PEBP4: variants seen among roughly 807,000 people sequenced by gnomAD.
The protein encoded by PEBP4 is phosphatidylethanolamine binding protein 4.
A neutral mutation model predicts 23.9 loss-of-function variants in PEBP4; 22 were observed. That is an observed-to-expected ratio of 0.92 (90% CI 0.66 to 1.31). The LOEUF is 1.31. PEBP4 is among the 40% of genes most tolerant of loss of function. PEBP4 has a pLI of 0.00. For synonymous variants in PEBP4, 112 were observed against 99.3 expected, an observed-to-expected ratio of 1.13 and a Z score of -0.76; for missense variants, 324 against 281.7, an observed-to-expected ratio of 1.15 and a Z score of -1.07.
At chr8:22,838,877 G>A (rs1807264823) in intron 3 of PEBP4, among the ~76,000 whole-genome samples, 1 of 152,252 alleles carries the variant, frequency 6.6e-6, no homozygotes, top group South Asian at 2.1e-4. Flanking sequence ...GGAACAGAAC[G>A]GGTAGTCATG....
At position 22,865,536 on chromosome 8, in the gene PEBP4, G is replaced by A. The variant is rs558999689; in HGVS notation, c.259-47801C>T. ...CTCGGGGAAGAGCTAAAAAAGGCAA[G>A]GCGCTGCTGCCGGTGCCGGTGCCGC... is the stretch of plus-strand genomic sequence containing the variant. On this transcript the variant is annotated intron_variant, in intron 3 of 6. Coordinates refer to ENST00000256404, the MANE Select transcript of PEBP4 (RefSeq NM_144962.3). This position sits in a 1 kb window ranked among gnomAD's most constrained non-coding sequence, Gnocchi z 6.9. 2.1e-4 allele frequency among the ~76,000 whole-genome samples: 32 copies of A among 152,196 alleles called. No homozygotes were observed. The South Asian group carries it at 3.5e-3, about 17-fold the overall frequency.
chr8:22,864,640 T>C (rs1807847764), intron 3 of PEBP4, among the ~76,000 whole-genome samples: 2 of 152,174 alleles, frequency 1.3e-5, no homozygotes, highest in African/African-American at 2.4e-5. Context: ...TCATTAGCAT[T>C]TGTAAAGGGC....
At chr8:22,889,757 G>A (rs1808455416) in intron 3 of PEBP4, among the ~76,000 whole-genome samples, 1 of 152,204 alleles carries the variant, frequency 6.6e-6, no homozygotes, top group South Asian at 2.1e-4. Flanking sequence ...GAACTCAAGT[G>A]TAATCTGTTT....
At chr8:22,924,620 G>A (rs1228465446) in intron 2 of PEBP4, 1 of 974,646 alleles carries the variant, frequency 1.0e-6, no homozygotes, top group East Asian at 1.1e-4. Flanking sequence ...ACTTTCTGAA[G>A]AACGGAGCTT....
intron 4 of PEBP4, among the ~76,000 whole-genome samples, chr8:22,795,818 T>TG (rs1219034813): frequency 3.9e-5 from 6 of 152,260 alleles, no homozygotes; most frequent in African/African-American, 1.4e-4. Flanking sequence ...CGATATTTTA[T>TG]GCCACTTGTT....
Position 22,767,894 on chromosome 8 carries a change from A to C in PEBP4, c.358-40674T>G, listed in dbSNP as rs116618690. On this transcript the variant is annotated intron_variant, in intron 4 of 6. Transcript: ENST00000256404. ...ATCTGGGATTACAGGCGCTGCCACT[A>C]TGCCCAGCTAATTTTTGTATTTTTA... is the stretch of plus-strand genomic sequence containing the variant. Among the ~76,000 whole-genome samples, 1,458 of 152,042 alleles carry C rather than the reference A, an allele frequency of 9.6e-3. 23 individuals carry two copies. The highest frequency in any genetic ancestry group is 0.032 in the African/African-American group (1,345 of 41,454).
At chr8:22,766,149 A>ACAGTCTTGGC (rs1254352734) in intron 4 of PEBP4, among the ~76,000 whole-genome samples, 1 of 152,148 alleles carries the variant, frequency 6.6e-6, no homozygotes, top group Non-Finnish European at 1.5e-5. Context: ...CCCTCACGCC[A>ACAGTCTTGGC]CAGTCTTGGC....
chr8:22,914,123 G>A (rs995993835), intron 3 of PEBP4, among the ~76,000 whole-genome samples: 1 of 152,000 alleles, frequency 6.6e-6, no homozygotes, highest in African/African-American at 2.4e-5. Context: ...AAGTACCTGG[G>A]ATTACAGGCA....
chr8:22,845,756 G>A (rs189156067), intron 3 of PEBP4, among the ~76,000 whole-genome samples: 72 of 152,324 alleles, frequency 4.7e-4, no homozygotes, highest in African/African-American at 7.0e-4. Context: ...CCCATAAGGC[G>A]CCTCTCGCCT....
chr8:22,858,388 C>A (rs2128768266), intron 3 of PEBP4, among the ~76,000 whole-genome samples: 1 of 152,338 alleles, frequency 6.6e-6, no homozygotes, highest in Non-Finnish European at 1.5e-5. Context: ...GAATTTCCTT[C>A]TTCTCTTTTC....
chr8:22,899,300 C>T (rs753120014), intron 3 of PEBP4, among the ~76,000 whole-genome samples: 2 of 152,218 alleles, frequency 1.3e-5, no homozygotes, highest in African/African-American at 2.4e-5. Context: ...TTCCCCAACC[C>T]AAGGTTCTGC....
intron 3 of PEBP4, chr8:22,884,222 A>G (rs1162907182): frequency 2.6e-5 from 4 of 152,142 alleles, no homozygotes; most frequent in Non-Finnish European, 5.9e-5. Context: ...ATGAAGATGA[A>G]ATGCACCTGG....
At chr8:22,728,811 T>A (rs1000787641) in intron 4 of PEBP4, among the ~76,000 whole-genome samples, 9 of 152,172 alleles carry the variant, frequency 5.9e-5, no homozygotes, top group African/African-American at 1.9e-4. Context: ...TTGGTCAGAC[T>A]GGTTTCGAAC....
intron 4 of PEBP4, among the ~76,000 whole-genome samples, chr8:22,793,380 C>T (rs10096093): frequency 0.019 from 2,877 of 151,970 alleles, 86 homozygotes; most frequent in African/African-American, 0.066. Context: ...GATTCTCCTG[C>T]CTCAGCCTCC....
chr8:22,906,167 C>T (rs1294192033), intron 3 of PEBP4, among the ~76,000 whole-genome samples: 1 of 152,096 alleles, frequency 6.6e-6, no homozygotes, highest in Non-Finnish European at 1.5e-5. Context: ...GGACCCTAGA[C>T]ACAGAAGTAC....
At chr8:22,814,391 T>C (rs1427570794) in intron 4 of PEBP4, among the ~76,000 whole-genome samples, 1 of 152,244 alleles carries the variant, frequency 6.6e-6, no homozygotes, top group Non-Finnish European at 1.5e-5. Flanking sequence ...ATCTAACTTT[T>C]GGCTTTTATT....
At chr8:22,850,161 G>C (rs113352867) in intron 3 of PEBP4, among the ~76,000 whole-genome samples, 2 of 151,960 alleles carry the variant, frequency 1.3e-5, no homozygotes, top group Non-Finnish European at 2.9e-5. Flanking sequence ...TAATGGGCTT[G>C]AGGACTTGGC....
At chr8:22,888,409 C>T (rs1324210447) in intron 3 of PEBP4, among the ~76,000 whole-genome samples, 4 of 152,308 alleles carry the variant, frequency 2.6e-5, no homozygotes, top group African/African-American at 9.6e-5. Context: ...CCACCTCGGC[C>T]TCCCAAAGTG....
At chr8:22,816,775 A>T (rs1476908415) in intron 4 of PEBP4, among the ~76,000 whole-genome samples, 3 of 152,188 alleles carry the variant, frequency 2.0e-5, no homozygotes, top group Non-Finnish European at 4.4e-5. Context: ...ACCCATCTGC[A>T]GGTGTTCTAG....
Sources: gnomAD v4.1 joint callset for allele counts (sites outside exome capture counted in the v4.1 genomes callset) on GRCh38, gnomAD v4.1.1 for gene constraint, Gnocchi (gnomAD v3.1) non-coding constraint, MANE v1.5 for transcripts, NCBI Gene and HGNC (gene_info 2026-07-23, HGNC 2026-07-21) for gene names.